RLF: variants seen among roughly 807,000 people sequenced by gnomAD.
The protein encoded by RLF is RLF zinc finger.
Under a neutral mutation model 162.9 loss-of-function variants are expected in RLF, and 7 were observed. The observed-to-expected ratio is 0.04, with a 90% confidence interval of 0.02 to 0.08. The LOEUF (loss-of-function observed/expected upper bound fraction) is 0.08, where lower values mean the gene tolerates loss of function less well. Among genes scored for constraint, RLF ranks in the 10% least tolerant of loss-of-function variants. The probability of loss-of-function intolerance (pLI) is 1.00; values close to 1 mark genes in which losing one functional copy is unlikely to be tolerated. For missense variants in RLF, 1,664 were observed against 2,244.7 expected, an observed-to-expected ratio of 0.74 and a Z score of 5.23; for synonymous variants, 782 against 791.5, an observed-to-expected ratio of 0.99 and a Z score of 0.20.
chr1:40,202,321 A>G, intron 4 of RLF, 91 bp from the exon 5 acceptor site: 1 of 808,100 alleles, frequency 1.2e-6, no homozygotes, highest in Non-Finnish European at 1.9e-6. Flanking sequence ...TTAACTAAAA[A>G]TCAAATAAAA....
intron 4 of RLF, among the ~76,000 whole-genome samples, chr1:40,199,185 G>A (rs1056226868): frequency 2.0e-5 from 3 of 152,194 alleles, no homozygotes; most frequent in Non-Finnish European, 2.9e-5. Context: ...ACGTTAAAAT[G>A]TTTTTGATTG....
Position 40,173,073 on chromosome 1 carries a change from G to GTTTTTTTTTTTTTTTTTTT in RLF, c.237+11455_237+11456insTTTTTTTTTTTTTTTTTTT, listed in dbSNP as rs765020752. On this transcript the variant is annotated intron_variant, in intron 1 of 7. Transcript: ENST00000372771. Reference sequence around the variant, plus strand: ...TAATTTGCATTTTAGTAACATTCAGGTTTTTTTTTTTTTTTTTTGTGAGGC... The same window carrying GTTTTTTTTTTTTTTTTTTT: ...TAATTTGCATTTTAGTAACATTCAGGTTTTTTTTTTTTTTTTTTTTTTTTTTTTTTTTTTTTTGTGAGGC... Among the ~76,000 whole-genome samples, 19 of 128,988 alleles carry GTTTTTTTTTTTTTTTTTTT rather than the reference G, an allele frequency of 1.5e-4. 1 individual carries two copies. Among genetic ancestry groups the GTTTTTTTTTTTTTTTTTTT allele is most frequent in the African/African-American group, 5.4e-4 (17 of 31,230 alleles). 84.6% of individuals were successfully genotyped at this position (128,988 alleles called of 152,430 possible).
intron 5 of RLF, among the ~76,000 whole-genome samples, chr1:40,204,415 T>G (rs1642761799): frequency 6.6e-6 from 1 of 151,866 alleles, no homozygotes; most frequent in Admixed American, 6.6e-5. Context: ...TGGGGCCAAA[T>G]TTACATGGAG....
At position 40,236,145 on chromosome 1, in the gene RLF, A is replaced by G. The variant is rs779972787; in HGVS notation, c.1443A>G (p.Gln481=). Residue 481 remains glutamine, a synonymous_variant, in exon 8 of 8, where the codon CAA becomes CAG. Transcript: ENST00000372771. The surrounding 1 kb of genome is among the most constrained non-coding windows in gnomAD (Gnocchi z 7.7). ...AAACTTTAAAACGACACTGCCACCAACTTTTAGGACAAGAAGCCTCAGATT... is the reference window on the plus strand; with the variant it reads ...AAACTTTAAAACGACACTGCCACCAGCTTTTAGGACAAGAAGCCTCAGATT... ...DWKTLKRHCH[Q]LLGQEASDSD... is the part of the protein sequence containing the mutation. The G allele has an allele frequency of 2.5e-6, 4 of 1,613,970 alleles. No homozygotes were observed. Among genetic ancestry groups the G allele is most frequent in the Non-Finnish European group, 3.4e-6 (4 of 1,179,974 alleles).
chr1:40,162,875 A>C (rs921254197), intron 1 of RLF, among the ~76,000 whole-genome samples: 1 of 152,188 alleles, frequency 6.6e-6, no homozygotes, highest in East Asian at 1.9e-4. Flanking sequence ...CCTGTTTAGT[A>C]AGCTCATTTA....
intron 5 of RLF, among the ~76,000 whole-genome samples, chr1:40,210,459 T>C (rs1642851270): frequency 6.6e-6 from 1 of 152,186 alleles, no homozygotes; most frequent in Non-Finnish European, 1.5e-5. Context: ...CACTGGAGAA[T>C]AAATACCCTG....
chr1:40,192,296 C>T (rs1172317973), intron 3 of RLF, among the ~76,000 whole-genome samples: 1 of 152,148 alleles, frequency 6.6e-6, no homozygotes, highest in Non-Finnish European at 1.5e-5. Context: ...CTAATTAGGA[C>T]TATTACTACT....
At chr1:40,185,656 CAAAAAAAAAAA>C (rs1163398364) in intron 1 of RLF, among the ~76,000 whole-genome samples, 1 of 38,752 alleles carries the variant, frequency 2.6e-5, no homozygotes, top group East Asian at 8.8e-4. Flanking sequence ...ACTAAAAATA[CAAAAAAAAAAA>C]AAAAAAAAAA....
rs775564389 is a variant in RLF at position 40,238,272 on chromosome 1, T to C, written c.3570T>C (p.His1190=). Residue 1190 remains histidine, a synonymous_variant, in exon 8 of 8, where the codon CAT becomes CAC. Coordinates refer to ENST00000372771, the MANE Select transcript of RLF (RefSeq NM_012421.4). The surrounding 1 kb of genome is among the most constrained non-coding windows in gnomAD (Gnocchi z 5.2). The stretch of plus-strand genomic sequence containing the variant: ...CAAGAAAAACACACCTTAGGATTCA[T>C]TATAAAAATAAACATCAAATTGGCA... The part of the protein sequence containing the change: ...SFTRKTHLRI[H]YKNKHQIGSD... 6.2e-7 allele frequency: 1 copy of C among 1,614,086 alleles called. No homozygotes were observed. The highest frequency in any genetic ancestry group is 1.1e-5 in the South Asian group (1 of 91,070).
At chr1:40,228,648 T>TA (rs1264433960) in intron 6 of RLF, among the ~76,000 whole-genome samples, 1 of 152,152 alleles carries the variant, frequency 6.6e-6, no homozygotes, top group Non-Finnish European at 1.5e-5. Flanking sequence ...TTAATGGATT[T>TA]ACCTAACTTT....
rs371882805 is a variant in RLF, at chr1:40,239,201, A to G, written c.4499A>G (p.Gln1500Arg). ...AAGGTATGTCAAACAGCTGATACTC[A>G]GGGGCATGAACATCAGACCACCAGG... ...SEKVCQTADTQGHEHQTTRRS... is the reference protein window; with the variant it reads ...SEKVCQTADTRGHEHQTTRRS... Residue 1500 changes from glutamine (Q) to arginine (R), a missense_variant, in exon 8 of 8, where the codon CAG becomes CGG. This residue lies in a region of RLF where 200 missense variants were observed against 207.3 expected (regional missense o/e 0.96). Transcript: ENST00000372771. 55 of 1,614,072 alleles carry G rather than the reference A, an allele frequency of 3.4e-5. No homozygotes were observed. In the East Asian group the frequency reaches 6.2e-4, roughly 18 times the overall value.
chr1:40,237,497 T>C lies in RLF; in HGVS notation c.2795T>C (p.Val932Ala), dbSNP rs35563960. The change falls in exon 8 of 8, where the codon GTC becomes GCC. Residue 932 changes from valine to alanine, a missense_variant. Val to Ala is a moderately conservative substitution (Grantham distance 64). This residue lies in a region of RLF where 295 missense variants were observed against 317.4 expected (regional missense o/e 0.93). Coordinates refer to ENST00000372771, the MANE Select transcript of RLF (RefSeq NM_012421.4). The surrounding 1 kb of genome is among the most constrained non-coding windows in gnomAD (Gnocchi z 4.4). ...MQDVLLSNEKVFGPSSLKEKC... is the reference protein window; with the variant it reads ...MQDVLLSNEKAFGPSSLKEKC... ...GATGTATTGTTATCTAATGAGAAAG[T>C]CTTTGGGCCCTCCAGTTTAAAAGAA... The C allele has an allele frequency of 9.2e-4, 1,481 of 1,614,040 alleles. 20 individuals are homozygous for C. The African/African-American group carries it at 0.017, about 19-fold the overall frequency.
At chr1:40,233,997 G>A (rs1643186304) in intron 7 of RLF, among the ~76,000 whole-genome samples, 1 of 152,180 alleles carries the variant, frequency 6.6e-6, no homozygotes, top group Admixed American at 6.5e-5. Flanking sequence ...TGCCCAGGCT[G>A]GCATGCAGTG....
At chr1:40,197,568 G>A (rs1287884330) in intron 4 of RLF, among the ~76,000 whole-genome samples, 1 of 152,138 alleles carries the variant, frequency 6.6e-6, no homozygotes, top group African/African-American at 2.4e-5. Flanking sequence ...CCCCACCTCT[G>A]GAGTTAACAG....
chr1:40,161,696 T>G lies in RLF; in HGVS notation c.237+60T>G. The G allele has an allele frequency of 6.3e-7, 1 of 1,586,672 alleles. No homozygotes were observed. The highest frequency in any genetic ancestry group is 1.4e-5 in the African/African-American group (1 of 73,520). ...GCGGGGAAGTCAGGGAAGGAGGCCC[T>G]GGATCCTCTGTAAGCAGCCGGGTCC... On this transcript the variant is annotated intron_variant, in intron 1 of 7. Transcript: ENST00000372771. The surrounding 1 kb of genome is among the most constrained non-coding windows in gnomAD (Gnocchi z 4.4).
intron 1 of RLF, among the ~76,000 whole-genome samples, chr1:40,175,514 T>C (rs1642311275): frequency 6.6e-6 from 1 of 151,980 alleles, no homozygotes; most frequent in African/African-American, 2.4e-5. Context: ...CTGGGCGTGG[T>C]GGCAGGTGCC....
chr1:40,189,197 G>A lies in RLF; in HGVS notation c.380G>A (p.Gly127Asp). ...TECEDVLLVLGRLVLSCFELL... is the reference protein window; with the variant it reads ...TECEDVLLVLDRLVLSCFELL... ...TGTGAAGATGTCCTCTTAGTGCTTG[G>A]CAGATTAGTACTGTAAGTTTGAGAA... Residue 127 changes from glycine to aspartate, a missense_variant, in exon 2 of 8, where the codon GGC becomes GAC. Physicochemically the swap from Gly to Asp is moderately conservative, Grantham distance 94 (BLOSUM62 -1). This residue lies in a region of RLF where 287 missense variants were observed against 404.9 expected (regional missense o/e 0.71). Transcript: ENST00000372771. 6.2e-7 allele frequency: 1 copy of A among 1,612,866 alleles called. No homozygotes were observed.
intron 7 of RLF, among the ~76,000 whole-genome samples, chr1:40,234,172 A>G (rs78562016): frequency 0.048 from 7,354 of 151,878 alleles, 581 homozygotes; most frequent in African/African-American, 0.17. Flanking sequence ...CTGGTCTTAA[A>G]CTCCATGCCT....
In RLF at chr1:40,240,692, G is replaced by T; in HGVS notation, c.*245G>T. The T allele has an allele frequency of 2.4e-6, 1 of 424,954 alleles. No individual in the cohort carries two copies. The highest frequency in any genetic ancestry group is 4.2e-6 in the Non-Finnish European group (1 of 236,066). The allele number at this position is 424,954 out of a possible 1,614,324, so 26.3% of individuals were successfully genotyped here. On this transcript the variant is annotated 3_prime_UTR_variant, in exon 8 of 8. Transcript: ENST00000372771. ...AAAAAATGGAACTGTACACTTGTTT[G>T]GTGCTAATTAATACATCAAAATATA...
Sources: gnomAD v4.1 joint callset for allele counts (sites outside exome capture counted in the v4.1 genomes callset) on GRCh38, gnomAD v4.1.1 for gene constraint, gnomAD v4.1.1 regional missense constraint, Gnocchi (gnomAD v3.1) non-coding constraint, MANE v1.5 for transcripts, NCBI Gene and HGNC (gene_info 2026-07-23, HGNC 2026-07-21) for gene names.